Variants in IGLON5 observed in about 807,000 individuals in gnomAD.
IGLON5 encodes the protein IgLON family member 5.
A neutral mutation model predicts 38.2 loss-of-function variants in IGLON5; 16 were observed. The observed-to-expected ratio is 0.42, with a 90% CI of 0.28 to 0.64. The LOEUF is 0.64. IGLON5 is among the 30% of genes least tolerant of loss of function. IGLON5 has a pLI of 0.23. For missense variants in IGLON5, 366 were observed against 483.4 expected (o/e 0.76, Z 2.28); for synonymous variants, 207 against 216.4 (o/e 0.96, Z 0.38).
rs1985155747 is a variant in IGLON5 at position 51,324,106 on chromosome 19, T to A, written c.391+212T>A. On this transcript the variant is annotated intron_variant, in intron 3 of 7. Transcript: ENST00000270642. The surrounding 1 kb of genome is among the most constrained non-coding windows in gnomAD (Gnocchi z 4.2). Reference sequence around the variant, plus strand: ...ATGATTGCTTCTAGGGCAGGAGAGCTACAGGGATGAGGGGGTGCTTGGGGG... The same window carrying A: ...ATGATTGCTTCTAGGGCAGGAGAGCAACAGGGATGAGGGGGTGCTTGGGGG... 2.0e-5 allele frequency among the ~76,000 whole-genome samples: 3 copies of A among 152,082 alleles called. No individual in the cohort carries two copies.
chr19:51,312,416 C>T (rs1984790512), intron 1 of IGLON5, among the ~76,000 whole-genome samples: 1 of 151,982 alleles, frequency 6.6e-6, no homozygotes, highest in Non-Finnish European at 1.5e-5. Context: ...GGACAGAGGT[C>T]AGGGGATGGA....
intron 2 of IGLON5, among the ~76,000 whole-genome samples, chr19:51,322,615 TC>T (rs1451370162): frequency 1.3e-5 from 2 of 150,958 alleles, no homozygotes; most frequent in East Asian, 3.9e-4. Flanking sequence ...TCTCTCTCTC[TC>T]TGTTTCTGGG....
At chr19:51,316,276 T>G (rs1599822806) in intron 1 of IGLON5, among the ~76,000 whole-genome samples, 1 of 136,812 alleles carries the variant, frequency 7.3e-6, no homozygotes, top group African/African-American at 2.8e-5. Flanking sequence ...GCCTGGGAGG[T>G]GGAGGTTGCA....
chr19:51,323,506 AC>A (rs972010236), intron 2 of IGLON5, among the ~76,000 whole-genome samples, 155 bp from the exon 3 acceptor site: 27 of 151,912 alleles, frequency 1.8e-4, no homozygotes, highest in African/African-American at 6.5e-4. Flanking sequence ...GGCTCAACTT[AC>A]CCCCAGCTGT....
Position 51,330,145 on chromosome 19 carries a change from T to TGGTGGAGAAAAGGAGAG in IGLON5, c.*1389_*1405dup, listed in dbSNP as rs1333135948. ...ACCCCAAACCACACCACCCAGAGTC[T>TGGTGGAGAAAAGGAGAG]GGTGGAGAAAAGGAGAGGGCAAGGC... On this transcript the variant is annotated 3_prime_UTR_variant, in exon 8 of 8. Transcript: ENST00000270642. 1 of 151,934 alleles carries TGGTGGAGAAAAGGAGAG rather than the reference T, an allele frequency of 6.6e-6. No homozygotes were observed. Among genetic ancestry groups the TGGTGGAGAAAAGGAGAG allele is most frequent in the East Asian group, 1.9e-4 (1 of 5,142 alleles). The allele number at this position is 151,934 out of a possible 1,614,324, so 9.4% of individuals were successfully genotyped here.
At chr19:51,323,120 GCC>G (rs976216961) in intron 2 of IGLON5, among the ~76,000 whole-genome samples, 1 of 140,174 alleles carries the variant, frequency 7.1e-6, no homozygotes, top group Non-Finnish European at 1.5e-5. Context: ...CTGGGTCTCT[GCC>G]CCCCTCTCTT....
Position 51,311,936 on chromosome 19 carries a change from C to A in IGLON5, c.79+10C>A. On this transcript the variant is annotated intron_variant, in intron 1 of 7. Transcript: ENST00000270642. The stretch of plus-strand genomic sequence containing the variant: ...GCCGTCATCAGCCGAGGTACCGCAG[C>A]GCCGGGGGCGGGGGGCTCGGCCGGG... 7.6e-7 allele frequency: 1 copy of A among 1,314,416 alleles called. No individual in the cohort carries two copies. The highest frequency in any genetic ancestry group is 2.0e-5 in the South Asian group (1 of 49,562). The allele number at this position is 1,314,416 out of a possible 1,614,324, so 81.4% of individuals were successfully genotyped here.
chr19:51,315,974 G>A (rs897721101), intron 1 of IGLON5, among the ~76,000 whole-genome samples: 4 of 151,932 alleles, frequency 2.6e-5, no homozygotes, highest in African/African-American at 4.8e-5. Flanking sequence ...GATTACAGGC[G>A]TGAGCCACCA....
Position 51,329,347 on chromosome 19 carries a change from G to A in IGLON5, c.*588G>A, listed in dbSNP as rs1985295554. ...CCTGTCGAAAGGGCAACTCCTGGCA[G>A]GTTGGGAGTGGGGAGGGGCATCGCA... is the stretch of plus-strand genomic sequence containing the variant. On this transcript the variant is annotated 3_prime_UTR_variant, in exon 8 of 8. Coordinates refer to ENST00000270642, the MANE Select transcript of IGLON5 (RefSeq NM_001101372.3). This position sits in a 1 kb window ranked among gnomAD's most constrained non-coding sequence, Gnocchi z 4.3. 6.6e-6 allele frequency: 1 copy of A among 152,282 alleles called. No homozygotes were observed. Among genetic ancestry groups the A allele is most frequent in the African/African-American group, 2.4e-5 (1 of 41,438 alleles). 9.4% of individuals were successfully genotyped at this position (152,282 alleles called of 1,614,324 possible).
intron 1 of IGLON5, among the ~76,000 whole-genome samples, chr19:51,319,723 T>A (rs1217846995): frequency 6.6e-6 from 1 of 152,146 alleles, no homozygotes; most frequent in African/African-American, 2.4e-5. Context: ...CTGGGACAGA[T>A]CCTCCTTTCC....
In IGLON5 at chr19:51,325,226, G is replaced by C; in HGVS notation, c.392-120G>C. The C allele has an allele frequency of 7.0e-7, 1 of 1,423,676 alleles. No homozygotes were observed. Among genetic ancestry groups the C allele is most frequent in the Non-Finnish European group, 9.5e-7 (1 of 1,047,548 alleles). 88.2% of individuals were successfully genotyped at this position (1,423,676 alleles called of 1,614,324 possible). ...CTGAGGGAGGAGGGGCTGGGGGTCTGAACTCCTGGGTCTGAGGGAGGAGGA... is the reference window on the plus strand; with the variant it reads ...CTGAGGGAGGAGGGGCTGGGGGTCTCAACTCCTGGGTCTGAGGGAGGAGGA... On this transcript the variant is annotated intron_variant, in intron 3 of 7. Transcript: ENST00000270642. The surrounding 1 kb of genome is among the most constrained non-coding windows in gnomAD (Gnocchi z 5.5).
At chr19:51,328,527 CAG>C (rs936240152) in intron 7 of IGLON5, 142 bp from the exon 8 acceptor site, 7 of 374,928 alleles carry the variant, frequency 1.9e-5, no homozygotes, top group Non-Finnish European at 3.4e-5. Context: ...AAAAAAGAAA[CAG>C]AGTCAGAAAA....
chr19:51,328,730 G>T lies in IGLON5; in HGVS notation c.982G>T (p.Ala328Ser). The T allele has an allele frequency of 6.2e-7, 1 of 1,601,082 alleles. No homozygotes were observed. The highest frequency in any genetic ancestry group is 8.5e-7 in the Non-Finnish European group (1 of 1,174,058). ...RPPGLLALLS[A>S]LGWLWWRM ...CCCAGGGCTCCTGGCCCTCCTCTCC[G>T]CCCTGGGCTGGCTGTGGTGGAGAAT... Residue 328 changes from alanine to serine, a missense_variant, in exon 8 of 8, where the codon GCC (alanine) becomes TCC (serine). Transcript: ENST00000270642.
At chr19:51,326,571 C>T (rs1317962240) in intron 4 of IGLON5, among the ~76,000 whole-genome samples, 193 bp from the exon 5 acceptor site, 1 of 151,942 alleles carries the variant, frequency 6.6e-6, no homozygotes, top group African/African-American at 2.4e-5. Flanking sequence ...GACCTCACTC[C>T]TTCCCCCACC....
chr19:51,327,690 G>A lies in IGLON5; in HGVS notation c.768-42G>A. 1 of 1,542,398 alleles carries A rather than the reference G, an allele frequency of 6.5e-7. No individual in the cohort carries two copies. Among genetic ancestry groups the A allele is most frequent in the African/African-American group, 1.4e-5 (1 of 73,160 alleles). Reference sequence around the variant, plus strand: ...GCCTGAGAGTCGGGGGGCTGGCCTGGCTGGGCGCTGCGGCCCGGCCCCTGA... The same window carrying A: ...GCCTGAGAGTCGGGGGGCTGGCCTGACTGGGCGCTGCGGCCCGGCCCCTGA... On this transcript the variant is annotated intron_variant, in intron 6 of 7. Transcript: ENST00000270642. This position sits in a 1 kb window ranked among gnomAD's most constrained non-coding sequence, Gnocchi z 7.1.
At position 51,327,713 on chromosome 19, in the gene IGLON5, T is replaced by C. The variant is rs931033368; in HGVS notation, c.768-19T>C. ...TGGCTGGGCGCTGCGGCCCGGCCCC[T>C]GACCCGGATCCCTGGCAGGCTGAGC... is the stretch of plus-strand genomic sequence containing the variant. On this transcript the variant is annotated intron_variant, in intron 6 of 7. Coordinates refer to ENST00000270642, the MANE Select transcript of IGLON5 (RefSeq NM_001101372.3). This position sits in a 1 kb window ranked among gnomAD's most constrained non-coding sequence, Gnocchi z 7.1. The C allele has an allele frequency of 4.8e-5, 75 of 1,557,704 alleles. No individual in the cohort carries two copies. Among genetic ancestry groups the C allele is most frequent in the Non-Finnish European group, 6.3e-5 (73 of 1,156,786 alleles).
chr19:51,327,187 A>G lies in IGLON5; in HGVS notation c.754A>G (p.Lys252Glu). The stretch of plus-strand genomic sequence containing the variant: ...TCCCCCCGCGGATTTCCAGTGGTAC[A>G]AGGATGACAGACTGTGAGGACAGCA... Reference protein sequence around the residue: ...AVPPADFQWYKDDRLLSSGTA... With the variant: ...AVPPADFQWYEDDRLLSSGTA... Residue 252 changes from lysine to glutamate, a missense_variant, in exon 6 of 8, where the codon AAG (lysine) becomes GAG (glutamate). Lys to Glu is a moderately conservative substitution (Grantham distance 56, BLOSUM62 1). Coordinates refer to ENST00000270642, the MANE Select transcript of IGLON5 (RefSeq NM_001101372.3). This position sits in a 1 kb window ranked among gnomAD's most constrained non-coding sequence, Gnocchi z 7.1. The G allele has an allele frequency of 6.2e-7, 1 of 1,612,122 alleles. No homozygotes were observed. The highest frequency in any genetic ancestry group is 8.5e-7 in the Non-Finnish European group (1 of 1,179,510).
Position 51,327,642 on chromosome 19 carries a change from C to T in IGLON5, c.768-90C>T. On this transcript the variant is annotated intron_variant, in intron 6 of 7. Transcript: ENST00000270642. The surrounding 1 kb of genome is among the most constrained non-coding windows in gnomAD (Gnocchi z 7.1). ...GGTCACTGGGGTAGGGGGCAGAATG[C>T]TGGGTCACCGGGGAACGGAGGAGCC... The T allele has an allele frequency of 6.6e-7, 1 of 1,513,638 alleles. No homozygotes were observed. The allele number at this position is 1,513,638 out of a possible 1,614,324, so 93.8% of individuals were successfully genotyped here.
Position 51,328,000 on chromosome 19 carries a change from G to T in IGLON5, c.922+114G>T, listed in dbSNP as rs554625279. 2 of 1,104,300 alleles carry T rather than the reference G, an allele frequency of 1.8e-6. No homozygotes were observed. Among genetic ancestry groups the T allele is most frequent in the African/African-American group, 3.3e-5 (2 of 60,698 alleles). 68.4% of individuals were successfully genotyped at this position (1,104,300 alleles called of 1,614,324 possible). On this transcript the variant is annotated intron_variant, in intron 7 of 7. Coordinates refer to ENST00000270642, the MANE Select transcript of IGLON5 (RefSeq NM_001101372.3). This position sits in a 1 kb window ranked among gnomAD's most constrained non-coding sequence, Gnocchi z 7.1. ...CTGGCCCTGAACTTAGGAGATGGAC[G>T]CTGAGACTGAAAAGCAATGCGAGTA...
Sources: gnomAD v4.1 joint callset for allele counts (sites outside exome capture counted in the v4.1 genomes callset) on GRCh38, gnomAD v4.1.1 for gene constraint, Gnocchi (gnomAD v3.1) non-coding constraint, MANE v1.5 for transcripts, NCBI Gene and HGNC (gene_info 2026-07-23, HGNC 2026-07-21) for gene names.